The following ASXL1 variants were observed in gnomAD, a reference collection of about 807,000 sequenced individuals.
ASXL1 encodes polycomb group protein ASXL1.
A neutral mutation model predicts 89.1 loss-of-function variants in ASXL1; 65 were observed. The observed-to-expected ratio is 0.73, with a 90% CI of 0.60 to 0.90. The LOEUF (loss-of-function observed/expected upper bound fraction) is 0.90, where lower values mean the gene tolerates loss of function less well. ASXL1 is among the 40% of genes least tolerant of loss of function. ASXL1 has a pLI of 0.00. For missense variants in ASXL1, 1,786 were observed against 1,942.9 expected, an observed-to-expected ratio of 0.92 and a Z score of 1.52; for synonymous variants, 739 against 746.9, an observed-to-expected ratio of 0.99 and a Z score of 0.17.
chr20:32,382,871 C>A (rs866299104), intron 4 of ASXL1, among the ~76,000 whole-genome samples: 5 of 152,060 alleles, frequency 3.3e-5, no homozygotes, highest in Non-Finnish European at 7.4e-5. Context: ...TGAATCTCAT[C>A]AAATATATGT....
At chr20:32,430,178 TTTTG>T in intron 8 of ASXL1, 125 bp downstream of exon 8, 3 of 1,272,156 alleles carry the variant, frequency 2.4e-6, no homozygotes, top group South Asian at 1.6e-5. Flanking sequence ...GCCCTCTATT[TTTTG>T]TTTATTTTTA....
intron 4 of ASXL1, chr20:32,372,046 C>A: frequency 7.9e-7 from 1 of 1,258,916 alleles, no homozygotes; most frequent in Non-Finnish European, 1.1e-6. Context: ...TCTATGAGTA[C>A]CTTAAGGGCA....
At chr20:32,426,159 A>G (rs886620266) in intron 4 of ASXL1, among the ~76,000 whole-genome samples, 4 of 152,214 alleles carry the variant, frequency 2.6e-5, no homozygotes, top group African/African-American at 9.6e-5. Context: ...GTAAGAATCA[A>G]TATTTTTCAT....
Position 32,435,057 on chromosome 20 carries a change from A to G in ASXL1, c.2345A>G (p.His782Arg). Residue 782 changes from histidine to arginine, a missense_variant, in exon 13 of 13, where the codon CAT (histidine) becomes CGT (arginine). Physicochemically the swap from His to Arg is conservative, Grantham distance 29. Around this residue, in one of 3 missense-constraint regions of ASXL1, gnomAD observed 1,418 missense variants for 1,427.8 expected, o/e 0.99. Transcript: ENST00000375687. Reference sequence around the variant, plus strand: ...AGATTAGTGGAGCAGCCTCAGTTGCATCCGGATGTTAGAACTGAATGTGAG... The same window carrying G: ...AGATTAGTGGAGCAGCCTCAGTTGCGTCCGGATGTTAGAACTGAATGTGAG... ...AERLVEQPQL[H>R]PDVRTECESG... is the part of the protein sequence containing the mutation. 6.2e-7 allele frequency: 1 copy of G among 1,614,164 alleles called. No homozygotes were observed. Among genetic ancestry groups the G allele is most frequent in the Non-Finnish European group, 8.5e-7 (1 of 1,180,036 alleles).
intron 4 of ASXL1, among the ~76,000 whole-genome samples, chr20:32,413,203 A>G (rs2123118039): frequency 6.6e-6 from 1 of 152,334 alleles, no homozygotes; most frequent in South Asian, 2.1e-4. Flanking sequence ...AGGATGAAGG[A>G]TAAATAAAAC....
At chr20:32,388,026 A>G (rs1324958738) in intron 4 of ASXL1, among the ~76,000 whole-genome samples, 1 of 152,104 alleles carries the variant, frequency 6.6e-6, no homozygotes, top group Non-Finnish European at 1.5e-5. Flanking sequence ...TGTTGGCTCT[A>G]TCTTCAGAAT....
chr20:32,434,908 A>G lies in ASXL1; in HGVS notation c.2196A>G (p.Leu732=), dbSNP rs1569330273. 2 of 1,614,054 alleles carry G rather than the reference A, an allele frequency of 1.2e-6. No individual in the cohort carries two copies. Among genetic ancestry groups the G allele is most frequent in the Admixed American group, 1.7e-5 (1 of 59,998 alleles). ...TGAGAAAGGAGGAAAGCTGCCTACT[A>G]CAGAGGGCTACAGTTGGACTCACAG... is the stretch of plus-strand genomic sequence containing the variant. ...PSLRKEESCL[L]QRATVGLTDG... The change falls in exon 13 of 13, where the codon CTA becomes CTG. Residue 732 remains leucine (L), a synonymous_variant. Transcript: ENST00000375687.
chr20:32,391,802 T>C (rs1347292000), intron 4 of ASXL1, among the ~76,000 whole-genome samples: 2 of 152,188 alleles, frequency 1.3e-5, no homozygotes, highest in Admixed American at 6.5e-5. Flanking sequence ...GTTTTTGTGT[T>C]TTAGTAAAAT....
At chr20:32,372,425 T>G in intron 4 of ASXL1, 1 of 1,093,026 alleles carries the variant, frequency 9.1e-7, no homozygotes, top group Non-Finnish European at 1.1e-6. Flanking sequence ...TTTTAATGGA[T>G]TAATGGTTTG....
At chr20:32,373,648 C>G (rs769188297) in intron 4 of ASXL1, among the ~76,000 whole-genome samples, 64 of 152,222 alleles carry the variant, frequency 4.2e-4, no homozygotes, top group Middle Eastern at 3.4e-3. Flanking sequence ...GGGTGGATCA[C>G]TTGAGGTCAG....
chr20:32,395,561 T>C (rs1014844250), intron 4 of ASXL1, among the ~76,000 whole-genome samples: 3 of 152,252 alleles, frequency 2.0e-5, no homozygotes, highest in Non-Finnish European at 4.4e-5. Flanking sequence ...ATTCAGCTAC[T>C]ATTTCTTGAA....
chr20:32,419,406 G>A (rs954597104), intron 4 of ASXL1, among the ~76,000 whole-genome samples: 13 of 151,610 alleles, frequency 8.6e-5, no homozygotes, highest in African/African-American at 2.4e-4. Context: ...GTCTCCTTAC[G>A]TTGCTCATGT....
chr20:32,409,777 G>A (rs2049014318), intron 4 of ASXL1, among the ~76,000 whole-genome samples: 1 of 151,930 alleles, frequency 6.6e-6, no homozygotes, highest in Non-Finnish European at 1.5e-5. Context: ...ATATTTTACT[G>A]AAATTTTACC....
At chr20:32,398,595 T>G (rs999303370) in intron 4 of ASXL1, among the ~76,000 whole-genome samples, 2 of 133,770 alleles carry the variant, frequency 1.5e-5, no homozygotes, top group Non-Finnish European at 3.1e-5. Flanking sequence ...GTTTTGTTTT[T>G]TTTGTTTGTT....
chr20:32,419,147 G>A (rs2049194258), intron 4 of ASXL1, among the ~76,000 whole-genome samples: 1 of 151,632 alleles, frequency 6.6e-6, no homozygotes, highest in Admixed American at 6.6e-5. Context: ...ACATCTTTAT[G>A]ATATAAAATC....
rs1450772047 is a variant in ASXL1 at position 32,436,538 on chromosome 20, TCTC to T, written c.3828_3830del (p.Pro1277del). 1 of 1,614,084 alleles carries T rather than the reference TCTC, an allele frequency of 6.2e-7. No individual in the cohort carries two copies. The highest frequency in any genetic ancestry group is 1.3e-5 in the African/African-American group (1 of 74,930). On this transcript the variant is annotated inframe_deletion, in exon 13 of 13. Coordinates refer to ENST00000375687, the MANE Select transcript of ASXL1 (RefSeq NM_015338.6). ...TACCTCGAGAACACCTCGTTTCTCA[TCTC>T]CAAATGTGATCTCCTTTGGTCCAGA...
At position 32,437,297 on chromosome 20, in the gene ASXL1, G is replaced by T; in HGVS notation, c.4585G>T (p.Gly1529Ter). Residue 1529 changes from glycine to a stop codon, truncating the protein, a stop_gained, in exon 13 of 13, where the codon GGA becomes TGA. Coordinates refer to ENST00000375687, the MANE Select transcript of ASXL1 (RefSeq NM_015338.6). LOFTEE classifies it high-confidence loss of function. ...TGCGTTCTGTCACGATGACTGTATT[G>T]GACCCTCAAAGCTCTGTGTATTGTG... ...CGAFCHDDCI[G>*]PSKLCVLCLV... 1 of 1,614,124 alleles carries T rather than the reference G, an allele frequency of 6.2e-7. No homozygotes were observed. Among genetic ancestry groups the T allele is most frequent in the Non-Finnish European group, 8.5e-7 (1 of 1,180,036 alleles).
At chr20:32,415,334 C>T (rs2049119804) in intron 4 of ASXL1, among the ~76,000 whole-genome samples, 1 of 152,062 alleles carries the variant, frequency 6.6e-6, no homozygotes, top group South Asian at 2.1e-4. Flanking sequence ...TATTGTTGGT[C>T]TTATTTAGAG....
At chr20:32,379,972 A>G (rs2048459084) in intron 4 of ASXL1, among the ~76,000 whole-genome samples, 1 of 149,690 alleles carries the variant, frequency 6.7e-6, no homozygotes. Flanking sequence ...TTTTAAAAGT[A>G]TAAAAAAACT....
Sources: gnomAD v4.1 joint callset for allele counts (sites outside exome capture counted in the v4.1 genomes callset) on GRCh38, gnomAD v4.1.1 for gene constraint, gnomAD v4.1.1 regional missense constraint, MANE v1.5 for transcripts, NCBI Gene and HGNC (gene_info 2026-07-23, HGNC 2026-07-21) for gene names.